Variants in TGFBR1 observed in about 807,000 individuals in gnomAD.
TGFBR1 encodes TGF-beta receptor type-1.
Under a neutral mutation model 55.1 loss-of-function variants are expected in TGFBR1, and 20 were observed. The observed-to-expected ratio is 0.36, with a 90% CI of 0.26 to 0.53. TGFBR1 has a LOEUF of 0.53. Among genes scored for constraint, TGFBR1 ranks in the 20% least tolerant of loss-of-function variants. TGFBR1 has a pLI of 0.91. For synonymous variants in TGFBR1, 220 were observed against 214.8 expected (o/e 1.02, Z -0.21); for missense variants, 385 against 617.6 (o/e 0.62, Z 3.99).
intron 3 of TGFBR1, among the ~76,000 whole-genome samples, chr9:99,135,354 G>A (rs9282872): frequency 1.3e-3 from 203 of 152,270 alleles, no homozygotes; most frequent in African/African-American, 4.8e-3. Flanking sequence ...CATGAGACTA[G>A]TGCCTGTGAA....
intron 1 of TGFBR1, among the ~76,000 whole-genome samples, chr9:99,108,020 T>C (rs10988706): frequency 0.23 from 34,298 of 152,130 alleles, 4,089 homozygotes; most frequent in East Asian, 0.43. Context: ...GAATGCGTTA[T>C]AGGTACCCAG....
intron 1 of TGFBR1, among the ~76,000 whole-genome samples, chr9:99,112,019 T>C (rs1264561171): frequency 6.6e-6 from 1 of 152,098 alleles, no homozygotes; most frequent in Non-Finnish European, 1.5e-5. Flanking sequence ...GGATGGCATG[T>C]GTGGAGAAAG....
At chr9:99,120,509 T>A (rs1192852435) in intron 1 of TGFBR1, among the ~76,000 whole-genome samples, 1 of 152,202 alleles carries the variant, frequency 6.6e-6, no homozygotes, top group African/African-American at 2.4e-5. Context: ...ACTGTAATTG[T>A]AATCACACTA....
chr9:99,146,382 T>C, intron 6 of TGFBR1, 103 bp from the exon 7 acceptor site: 1 of 1,295,096 alleles, frequency 7.7e-7, no homozygotes, highest in Non-Finnish European at 1.1e-6. Flanking sequence ...TATGTAATAT[T>C]GTGTACATAT....
upstream of TGFBR1, chr9:99,105,003 G>T: frequency 6.6e-6 from 2 of 302,172 alleles, no homozygotes; most frequent in Non-Finnish European, 1.0e-5. Context: ...CTCCCGGCTG[G>T]GTCCCGCTTG....
chr9:99,140,234 AG>A (rs1344394087), intron 4 of TGFBR1, among the ~76,000 whole-genome samples: 1 of 152,174 alleles, frequency 6.6e-6, no homozygotes, highest in South Asian at 2.1e-4. Flanking sequence ...GTGGATCACG[AG>A]GTCAAGAGTT....
chr9:99,128,476 A>T (rs201586597), intron 1 of TGFBR1, among the ~76,000 whole-genome samples: 61 of 63,216 alleles, frequency 9.6e-4, no homozygotes, highest in Admixed American at 1.2e-3. Flanking sequence ...TGGGCCTGGT[A>T]AAAAAAAAAA....
chr9:99,115,317 A>AATCT (rs1826704216), intron 1 of TGFBR1, among the ~76,000 whole-genome samples: 2 of 152,096 alleles, frequency 1.3e-5, no homozygotes, highest in African/African-American at 4.8e-5. Flanking sequence ...TAGATTTCCT[A>AATCT]GGTGTAAACC....
Position 99,153,339 on chromosome 9 carries a change from G to A in TGFBR1, c.*4034G>A. The A allele has an allele frequency of 4.6e-6, 1 of 217,316 alleles. No individual in the cohort carries two copies. Among genetic ancestry groups the A allele is most frequent in the East Asian group, 6.8e-5 (1 of 14,662 alleles). 13.5% of individuals were successfully genotyped at this position (217,316 alleles called of 1,614,324 possible). On this transcript the variant is annotated 3_prime_UTR_variant, in exon 9 of 9. Coordinates refer to ENST00000374994, the MANE Select transcript of TGFBR1 (RefSeq NM_004612.4). ...ATTTGTACCCCAAATAACATCGTCT[G>A]TACTTTCTGTTTTCTGTATTGTATT... is the stretch of plus-strand genomic sequence containing the variant.
chr9:99,125,782 T>G (rs994316835), intron 1 of TGFBR1, among the ~76,000 whole-genome samples: 1 of 152,224 alleles, frequency 6.6e-6, no homozygotes, highest in African/African-American at 2.4e-5. Context: ...ATCTTTGAAG[T>G]GAAAATATGT....
chr9:99,134,301 C>A (rs1827352605), intron 3 of TGFBR1, among the ~76,000 whole-genome samples: 1 of 152,168 alleles, frequency 6.6e-6, no homozygotes, highest in African/African-American at 2.4e-5. Context: ...CTAGGACACA[C>A]ACAGGCTCGC....
intron 2 of TGFBR1, among the ~76,000 whole-genome samples, chr9:99,130,255 G>T (rs1393044415): frequency 6.6e-6 from 1 of 152,112 alleles, no homozygotes; most frequent in Non-Finnish European, 1.5e-5. Flanking sequence ...GTGAGGTTAG[G>T]GTATGGGGGC....
chr9:99,149,271 C>T lies in TGFBR1; in HGVS notation c.1478C>T (p.Ser493Leu), dbSNP rs1827903821. The T allele has an allele frequency of 6.2e-7, 1 of 1,613,602 alleles. No individual in the cohort carries two copies. The highest frequency in any genetic ancestry group is 8.5e-7 in the Non-Finnish European group (1 of 1,179,820). ...LTALRIKKTL[S>L]QLSQQEGIKM ...GCATTGCGGATTAAGAAAACATTAT[C>T]GCAACTCAGTCAACAGGAAGGCATC... is the stretch of plus-strand genomic sequence containing the variant. Residue 493 changes from serine to leucine, a missense_variant, in exon 9 of 9, where the codon TCG becomes TTG. Transcript: ENST00000374994.
chr9:99,116,814 C>T (rs935254951), intron 1 of TGFBR1, among the ~76,000 whole-genome samples: 3 of 152,080 alleles, frequency 2.0e-5, no homozygotes, highest in African/African-American at 7.2e-5. Flanking sequence ...ACATCTCAAG[C>T]CTAAGTTTTC....
chr9:99,104,727 G>A (rs1346060442), upstream of TGFBR1, among the ~76,000 whole-genome samples: 1 of 152,172 alleles, frequency 6.6e-6, no homozygotes, highest in African/African-American at 2.4e-5. Flanking sequence ...CCTAGAGGAG[G>A]TTAGAAGAAA....
chr9:99,128,596 A>G, intron 1 of TGFBR1: 2 of 571,968 alleles, frequency 3.5e-6, no homozygotes, highest in East Asian at 3.7e-5. Flanking sequence ...ATTTTTCTAT[A>G]CTTGGAAGCA....
chr9:99,127,737 G>A (rs1032159214), intron 1 of TGFBR1: 5 of 357,702 alleles, frequency 1.4e-5, no homozygotes, highest in African/African-American at 4.3e-5. Context: ...TGGCCATTCC[G>A]TGTACCTAGA....
intron 1 of TGFBR1, among the ~76,000 whole-genome samples, chr9:99,120,041 C>T (rs1826853757): frequency 6.6e-6 from 1 of 152,150 alleles, no homozygotes; most frequent in Admixed American, 6.5e-5. Flanking sequence ...ATGTGCTGGG[C>T]ACTGTGCTAA....
At chr9:99,135,852 C>CTTTTTTTT (rs397954803) in intron 3 of TGFBR1, among the ~76,000 whole-genome samples, 1 of 125,968 alleles carries the variant, frequency 7.9e-6, no homozygotes, top group Non-Finnish European at 1.7e-5. Context: ...AAAATTGTTA[C>CTTTTTTTT]TTTTTTTTTT....
Sources: gnomAD v4.1 joint callset for allele counts (sites outside exome capture counted in the v4.1 genomes callset) on GRCh38, gnomAD v4.1.1 for gene constraint, MANE v1.5 for transcripts, NCBI Gene and HGNC (gene_info 2026-07-23, HGNC 2026-07-21) for gene names.